Variants in PALS1 observed in about 807,000 individuals in gnomAD.
PALS1 encodes the protein protein PALS1.
A neutral mutation model predicts 78.9 loss-of-function variants in PALS1; 31 were observed. That is an observed-to-expected ratio of 0.39 (90% CI 0.30 to 0.53). The LOEUF is 0.53. Ranked by LOEUF, PALS1 falls within the 20% of genes least tolerant of loss-of-function variation. The pLI, the probability that PALS1 is intolerant of heterozygous loss-of-function variation, is 0.67. For synonymous variants in PALS1, 276 were observed against 270.9 expected (o/e 1.02, Z -0.18); for missense variants, 704 against 826.5 (o/e 0.85, Z 1.82).
At chr14:67,311,918 GTT>G (rs1363486511) in intron 8 of PALS1, 2 of 152,746 alleles carry the variant, frequency 1.3e-5, no homozygotes, top group African/African-American at 4.8e-5. Context: ...CGCCAAGAGA[GTT>G]TAAGGCATAG....
rs541234501 is a variant in PALS1 at position 67,313,975 on chromosome 14, TA to T, written c.1225+1279del. ...AAGTTCTCAGAAAACAAACAAAAAT[TA>T]AAAAAAAAAAAAATAGTTCTGCCAG... On this transcript the variant is annotated intron_variant, in intron 9 of 14. Transcript: ENST00000261681. Among the ~76,000 whole-genome samples, 1,008 of 143,308 alleles carry T rather than the reference TA, an allele frequency of 7.0e-3. 3 individuals carry two copies. The highest frequency in any genetic ancestry group is 0.016 in the African/African-American group (644 of 39,348). 94.0% of individuals were successfully genotyped at this position (143,308 alleles called of 152,430 possible). A position where few individuals can be genotyped will look rare whatever the true frequency, so the allele number is the denominator to read the frequency against.
At chr14:67,284,072 C>T (rs1172886985) in intron 3 of PALS1, among the ~76,000 whole-genome samples, 1 of 151,868 alleles carries the variant, frequency 6.6e-6, no homozygotes, top group Non-Finnish European at 1.5e-5. Flanking sequence ...TTCTTGAGGA[C>T]CAAATGAAAA....
chr14:67,278,221 G>C (rs1345825719), intron 2 of PALS1, among the ~76,000 whole-genome samples: 1 of 151,922 alleles, frequency 6.6e-6, no homozygotes, highest in Non-Finnish European at 1.5e-5. Flanking sequence ...ATTTTTCTTA[G>C]TAGAGACGGG....
chr14:67,317,308 T>G (rs1202811255), intron 10 of PALS1, 100 bp from the exon 11 acceptor site: 1 of 1,108,550 alleles, frequency 9.0e-7, no homozygotes, highest in African/African-American at 1.6e-5. Context: ...GCAAAAAAAT[T>G]TAAAGAATAA....
At chr14:67,299,851 T>C (rs1422081342) in intron 4 of PALS1, among the ~76,000 whole-genome samples, 1 of 152,234 alleles carries the variant, frequency 6.6e-6, no homozygotes, top group African/African-American at 2.4e-5. Flanking sequence ...GTATTTTGTA[T>C]ACCCTTGGTA....
At chr14:67,316,158 G>A (rs1033918536) in intron 9 of PALS1, among the ~76,000 whole-genome samples, 1 of 152,144 alleles carries the variant, frequency 6.6e-6, no homozygotes, top group Admixed American at 6.5e-5. Flanking sequence ...GAAGCCACTT[G>A]TATCCTATAG....
At chr14:67,281,036 T>C (rs1158866163) in intron 3 of PALS1, among the ~76,000 whole-genome samples, 1 of 151,844 alleles carries the variant, frequency 6.6e-6, no homozygotes, top group Non-Finnish European at 1.5e-5. Flanking sequence ...GTGGCTGGGA[T>C]TACAGGCATG....
intron 4 of PALS1, among the ~76,000 whole-genome samples, chr14:67,297,774 T>C (rs572527673): frequency 2.6e-5 from 4 of 152,346 alleles, no homozygotes; most frequent in African/African-American, 7.2e-5. Flanking sequence ...CTTCCTTTCA[T>C]TGAATTCATT....
intron 3 of PALS1, among the ~76,000 whole-genome samples, chr14:67,285,400 T>A (rs906708472): frequency 1.4e-5 from 2 of 147,312 alleles, no homozygotes; most frequent in Admixed American, 1.4e-4. Context: ...GGAGTCTCGC[T>A]CTGTCGCCCA....
At chr14:67,277,394 G>A (rs2084523853) in intron 2 of PALS1, among the ~76,000 whole-genome samples, 2 of 152,084 alleles carry the variant, frequency 1.3e-5, no homozygotes, top group African/African-American at 4.8e-5. Context: ...TAGCCTAGTT[G>A]GGTTTGTATT....
At chr14:67,325,785 T>C (rs111606154) in intron 14 of PALS1, among the ~76,000 whole-genome samples, 1 of 151,672 alleles carries the variant, frequency 6.6e-6, no homozygotes, top group African/African-American at 2.4e-5. Flanking sequence ...CATAGACCAT[T>C]CCAAAACATG....
intron 3 of PALS1, among the ~76,000 whole-genome samples, chr14:67,289,703 G>A (rs2084743453): frequency 6.7e-6 from 1 of 150,086 alleles, no homozygotes; most frequent in South Asian, 2.1e-4. Flanking sequence ...AGTCAGTGGT[G>A]TTTCTGCAGA....
At chr14:67,323,232 C>CATGT (rs57594216) in intron 13 of PALS1, among the ~76,000 whole-genome samples, 30 of 143,624 alleles carry the variant, frequency 2.1e-4, no homozygotes, top group African/African-American at 7.5e-4. Context: ...CATATATACA[C>CATGT]GTGTGTGTGT....
chr14:67,284,339 C>T (rs1001460026), intron 3 of PALS1, among the ~76,000 whole-genome samples: 1 of 149,476 alleles, frequency 6.7e-6, no homozygotes, highest in East Asian at 2.0e-4. Flanking sequence ...GGTTCACGCC[C>T]GTATTAGTAG....
Position 67,279,534 on chromosome 14 carries a change from T to C in PALS1, c.364T>C (p.Leu122=), listed in dbSNP as rs1358599810. ...AAGTCCTCATTATGCTGTGAAAATA[T>C]TAGGTAAGTAAAAATAGAGGTATAA... ...LESPHYAVKI[L]EIEDLFSSLK... The change falls in exon 3 of 15, where the codon TTA becomes CTA. Residue 122 remains leucine (L), a synonymous_variant. Transcript: ENST00000261681. 1.3e-6 allele frequency: 2 copies of C among 1,525,084 alleles called. No individual in the cohort carries two copies. Among genetic ancestry groups the C allele is most frequent in the African/African-American group, 2.8e-5 (2 of 71,834 alleles). The allele number at this position is 1,525,084 out of a possible 1,614,324, so 94.5% of individuals were successfully genotyped here.
At chr14:67,261,406 T>C (rs1243306957) in intron 1 of PALS1, among the ~76,000 whole-genome samples, 1 of 152,106 alleles carries the variant, frequency 6.6e-6, no homozygotes, top group East Asian at 1.9e-4. Flanking sequence ...AGAGGTAGAA[T>C]TGATGGGAGT....
chr14:67,306,354 G>GT (rs548869677), intron 8 of PALS1, among the ~76,000 whole-genome samples: 72 of 151,288 alleles, frequency 4.8e-4, no homozygotes, highest in African/African-American at 1.1e-3. Flanking sequence ...TTTGTTTTTT[G>GT]TTTTTTTTGA....
At chr14:67,275,990 A>ATT (rs2084496858) in intron 2 of PALS1, among the ~76,000 whole-genome samples, 1 of 151,718 alleles carries the variant, frequency 6.6e-6, no homozygotes, top group South Asian at 2.1e-4. Flanking sequence ...TTTTTATTGC[A>ATT]TGTATTTGAT....
intron 1 of PALS1, among the ~76,000 whole-genome samples, chr14:67,243,667 A>ATT (rs967773608): frequency 1.5e-5 from 2 of 134,542 alleles, no homozygotes; most frequent in East Asian, 2.2e-4. Flanking sequence ...AATTTTTTGT[A>ATT]TTTTTTTTTT....
Sources: allele counts gnomAD v4.1 joint callset (sites outside exome capture counted in the v4.1 genomes callset), GRCh38; gene constraint gnomAD v4.1.1; transcripts MANE v1.5; gene names NCBI Gene and HGNC (gene_info 2026-07-23, HGNC 2026-07-21).